Variants in ZMIZ1 observed in about 807,000 individuals in gnomAD.
ZMIZ1 encodes zinc finger MIZ-type containing 1.
ZMIZ1 carries 17 observed loss-of-function variants against 113.9 expected under a neutral mutation model. The ratio of observed to expected loss-of-function variants is 0.15; its 90% CI spans 0.10 to 0.22. The LOEUF (loss-of-function observed/expected upper bound fraction) is 0.22. Among genes scored for constraint, ZMIZ1 ranks in the 10% least tolerant of loss-of-function variants. ZMIZ1 has a pLI of 1.00. For synonymous variants in ZMIZ1, 607 were observed against 603.1 expected, an observed-to-expected ratio of 1.01 and a Z score of -0.09; for missense variants, 1,059 against 1,477.8, an observed-to-expected ratio of 0.72 and a Z score of 4.65.
At chr10:79,280,114 A>G (rs375302846) in intron 8 of ZMIZ1, among the ~76,000 whole-genome samples, 2 of 151,922 alleles carry the variant, frequency 1.3e-5, no homozygotes, top group South Asian at 4.2e-4. Context: ...CAGCCTTCCA[A>G]GTAGCTGGGA....
chr10:79,296,548 C>T lies in ZMIZ1; in HGVS notation c.1308C>T (p.Pro436=). The part of the protein sequence containing the change: ...TQPGQYPAPN[P]PRPLTSPNYP... Reference sequence around the variant, plus strand: ...CAGGCCAGTACCCAGCCCCCAACCCCCCGAGGCCACTCACCTCCCCCAACT... The same window carrying T: ...CAGGCCAGTACCCAGCCCCCAACCCTCCGAGGCCACTCACCTCCCCCAACT... The change falls in exon 13 of 25, where the codon CCC becomes CCT. Residue 436 remains proline, a synonymous_variant. Coordinates refer to ENST00000334512, the MANE Select transcript of ZMIZ1 (RefSeq NM_020338.4). The surrounding 1 kb of genome is among the most constrained non-coding windows in gnomAD (Gnocchi z 4.1). 1 of 1,613,580 alleles carries T rather than the reference C, an allele frequency of 6.2e-7. No individual in the cohort carries two copies. The highest frequency in any genetic ancestry group is 8.5e-7 in the Non-Finnish European group (1 of 1,179,674).
intron 2 of ZMIZ1, among the ~76,000 whole-genome samples, chr10:79,125,201 C>G (rs192308972): frequency 9.8e-5 from 15 of 152,336 alleles, no homozygotes; most frequent in Admixed American, 8.5e-4. Flanking sequence ...ACGATGGAGC[C>G]AGGTGCCACA....
intron 4 of ZMIZ1, among the ~76,000 whole-genome samples, chr10:79,193,640 G>C (rs545269233): frequency 6.6e-6 from 1 of 152,204 alleles, no homozygotes; most frequent in East Asian, 1.9e-4. Context: ...CAAGGAGTCA[G>C]CCCTCATCTA....
At chr10:79,126,920 A>G (rs1173314644) in intron 2 of ZMIZ1, among the ~76,000 whole-genome samples, 1 of 152,120 alleles carries the variant, frequency 6.6e-6, no homozygotes, top group Non-Finnish European at 1.5e-5. Context: ...TCCCCAGTGG[A>G]GGAGAGCTGA....
At chr10:79,238,078 G>T (rs1201692533) in intron 7 of ZMIZ1, among the ~76,000 whole-genome samples, 3 of 152,068 alleles carry the variant, frequency 2.0e-5, no homozygotes, top group Non-Finnish European at 4.4e-5. Context: ...CTCCCCGCTC[G>T]GTAGCCTGGG....
At chr10:79,243,824 G>A (rs1053359292) in intron 7 of ZMIZ1, 2 of 175,422 alleles carry the variant, frequency 1.1e-5, no homozygotes, top group South Asian at 7.3e-5. Flanking sequence ...GAGTGTGCGT[G>A]CCTGTGTGTG....
intron 1 of ZMIZ1, among the ~76,000 whole-genome samples, chr10:79,093,753 T>A (rs973381441): frequency 3.9e-5 from 6 of 152,200 alleles, no homozygotes; most frequent in African/African-American, 1.4e-4. Flanking sequence ...CCCACTACCC[T>A]ATGCACACCC....
At chr10:79,160,361 G>A (rs1326363737) in intron 3 of ZMIZ1, among the ~76,000 whole-genome samples, 1 of 152,226 alleles carries the variant, frequency 6.6e-6, no homozygotes, top group African/African-American at 2.4e-5. Flanking sequence ...GGATCTTGGG[G>A]TGTAGGGTTC....
At chr10:79,279,422 C>T (rs956271115) in intron 8 of ZMIZ1, among the ~76,000 whole-genome samples, 2 of 151,168 alleles carry the variant, frequency 1.3e-5, no homozygotes, top group South Asian at 2.1e-4. Flanking sequence ...TGGGCAGAGA[C>T]GCTCCTCACT....
chr10:79,230,197 G>A (rs185038699), intron 7 of ZMIZ1, among the ~76,000 whole-genome samples: 8 of 139,638 alleles, frequency 5.7e-5, no homozygotes, highest in African/African-American at 1.6e-4. Flanking sequence ...CACTCTCCCC[G>A]TCTCCTTTCT....
intron 3 of ZMIZ1, among the ~76,000 whole-genome samples, chr10:79,155,142 A>G (rs1241481158): frequency 1.3e-5 from 2 of 152,192 alleles, no homozygotes; most frequent in East Asian, 3.8e-4. Flanking sequence ...GAACCCAGAG[A>G]GGCCACCATT....
chr10:79,092,394 G>A (rs1452985264), intron 1 of ZMIZ1, among the ~76,000 whole-genome samples: 1 of 152,224 alleles, frequency 6.6e-6, no homozygotes, highest in Non-Finnish European at 1.5e-5. Flanking sequence ...GTGATCTTGG[G>A]TCAGTCACCT....
chr10:79,282,896 G>C (rs1480548051), intron 8 of ZMIZ1, among the ~76,000 whole-genome samples: 3 of 152,236 alleles, frequency 2.0e-5, no homozygotes, highest in Non-Finnish European at 4.4e-5. Flanking sequence ...GGCCAGAGAG[G>C]CCTGGCAAGG....
chr10:79,162,802 AC>A (rs1846169221), intron 4 of ZMIZ1, among the ~76,000 whole-genome samples: 1 of 151,862 alleles, frequency 6.6e-6, no homozygotes, highest in South Asian at 2.1e-4. Flanking sequence ...AGTTTCCACC[AC>A]CCTGCTCCCC....
At chr10:79,189,664 T>G in intron 4 of ZMIZ1, among the ~76,000 whole-genome samples, 1 of 152,156 alleles carries the variant, frequency 6.6e-6, no homozygotes, top group East Asian at 1.9e-4. Flanking sequence ...TAAGATGGGG[T>G]GAAACATGGG....
At chr10:79,245,761 A>G (rs1260534020) in intron 7 of ZMIZ1, among the ~76,000 whole-genome samples, 1 of 152,234 alleles carries the variant, frequency 6.6e-6, no homozygotes, top group East Asian at 1.9e-4. Context: ...CATTCAGTAC[A>G]GTAGCCACTG....
intron 4 of ZMIZ1, among the ~76,000 whole-genome samples, chr10:79,177,986 A>G (rs1846943139): frequency 6.6e-6 from 1 of 152,220 alleles, no homozygotes; most frequent in South Asian, 2.1e-4. Context: ...CCTATTAGAC[A>G]TGATCCTTAA....
intron 7 of ZMIZ1, among the ~76,000 whole-genome samples, chr10:79,268,042 G>A (rs117770051): frequency 2.6e-5 from 4 of 152,220 alleles, no homozygotes; most frequent in African/African-American, 9.6e-5. Flanking sequence ...CTGTGTTTGG[G>A]AGCTGAAAGA....
In ZMIZ1 at chr10:79,158,335, C is replaced by G. The variant is rs545743105; in HGVS notation, c.-130-3718C>G. Among the ~76,000 whole-genome samples the G allele has an allele frequency of 1.4e-3, 207 of 152,270 alleles. 1 individual carries two copies. Among genetic ancestry groups the G allele is most frequent in the Middle Eastern group, 3.4e-3 (1 of 294 alleles). On this transcript the variant is annotated intron_variant, in intron 3 of 24. Coordinates refer to ENST00000334512, the MANE Select transcript of ZMIZ1 (RefSeq NM_020338.4). ...CACCCAGGGCCATCTGCCCCCTCCC[C>G]CAGTGCAACCTGGAGCCTTCTCTGG...
Sources: allele counts gnomAD v4.1 joint callset (sites outside exome capture counted in the v4.1 genomes callset), GRCh38; gene constraint gnomAD v4.1.1; non-coding constraint Gnocchi (gnomAD v3.1); transcripts MANE v1.5; gene names NCBI Gene and HGNC (gene_info 2026-07-23, HGNC 2026-07-21).